The following CNTNAP4 variants were observed in gnomAD, a reference collection of about 807,000 sequenced individuals.
CNTNAP4 encodes contactin-associated protein-like 4.
Under a neutral mutation model 148.4 loss-of-function variants are expected in CNTNAP4, and 98 were observed. That is an observed-to-expected ratio of 0.66 (90% confidence interval 0.56 to 0.78). The LOEUF is 0.78. Among genes scored for constraint, CNTNAP4 ranks in the 30% least tolerant of loss-of-function variants. The pLI is 0.00. For missense variants in CNTNAP4, 1,935 were observed against 1,565.6 expected (o/e 1.24, Z -3.98); for synonymous variants, 730 against 565.1 (o/e 1.29, Z -4.14).
At position 76,337,140 on chromosome 16, in the gene CNTNAP4, C is replaced by A. The variant is rs144740470; in HGVS notation, c.197-18178C>A. Among the ~76,000 whole-genome samples the A allele has an allele frequency of 9.9e-5, 15 of 152,192 alleles. No individual in the cohort carries two copies. In the East Asian group the frequency reaches 2.9e-3, roughly 29 times the overall value. On this transcript the variant is annotated intron_variant, in intron 2 of 23. Coordinates refer to ENST00000611870, the MANE Select transcript of CNTNAP4 (RefSeq NM_033401.5). Reference sequence around the variant, plus strand: ...GTACACTTTAAATGTTGGATGGATTCTTTTTATTTATCTAAAGTTGGTGAT... The same window carrying A: ...GTACACTTTAAATGTTGGATGGATTATTTTTATTTATCTAAAGTTGGTGAT...
At chr16:76,434,669 C>A (rs2145099203) in intron 4 of CNTNAP4, among the ~76,000 whole-genome samples, 1 of 152,284 alleles carries the variant, frequency 6.6e-6, no homozygotes, top group South Asian at 2.1e-4. Context: ...TATTGTTTTT[C>A]ATTTACTATT....
At chr16:76,461,232 C>T (rs569179676) in intron 8 of CNTNAP4, among the ~76,000 whole-genome samples, 1 of 152,230 alleles carries the variant, frequency 6.6e-6, no homozygotes, top group East Asian at 1.9e-4. Flanking sequence ...ACATTATTTA[C>T]AGTATGAGAG....
intron 17 of CNTNAP4, among the ~76,000 whole-genome samples, chr16:76,531,751 G>A (rs540292384): frequency 6.6e-6 from 1 of 152,114 alleles, no homozygotes; most frequent in Non-Finnish European, 1.5e-5. Flanking sequence ...TGAAAATAAA[G>A]TTACTGACTT....
intron 1 of CNTNAP4, among the ~76,000 whole-genome samples, chr16:76,278,015 G>A (rs1010658596): frequency 1.3e-5 from 2 of 152,146 alleles, no homozygotes; most frequent in Non-Finnish European, 1.5e-5. Flanking sequence ...GAATGCCCAA[G>A]TTCTAGTAAA....
At chr16:76,466,140 G>A (rs770978575) in intron 9 of CNTNAP4, among the ~76,000 whole-genome samples, 8 of 152,076 alleles carry the variant, frequency 5.3e-5, no homozygotes, top group Non-Finnish European at 1.0e-4. Flanking sequence ...GGGTTCAATT[G>A]TTTTGATTTT....
intron 2 of CNTNAP4, among the ~76,000 whole-genome samples, chr16:76,319,098 A>T (rs1004124251): frequency 6.6e-6 from 1 of 152,136 alleles, no homozygotes; most frequent in Non-Finnish European, 1.5e-5. Flanking sequence ...GATCAAAAAA[A>T]GGCTACCATT....
At chr16:76,528,404 T>G (rs2083833151) in intron 17 of CNTNAP4, among the ~76,000 whole-genome samples, 1 of 152,192 alleles carries the variant, frequency 6.6e-6, no homozygotes, top group African/African-American at 2.4e-5. Flanking sequence ...TAGCTGAGAC[T>G]ACAGGCACAT....
At position 76,452,792 on chromosome 16, in the gene CNTNAP4, C is replaced by T. The variant is rs756520232; in HGVS notation, c.1333+23C>T. On this transcript the variant is annotated intron_variant, in intron 8 of 23. Coordinates refer to ENST00000611870, the MANE Select transcript of CNTNAP4 (RefSeq NM_033401.5). Reference sequence around the variant, plus strand: ...CAGGTAATAAATGTATTCCCTGGGGCAAAGCATATGGATTTGAAAGATTTC... The same window carrying T: ...CAGGTAATAAATGTATTCCCTGGGGTAAAGCATATGGATTTGAAAGATTTC... 4 of 1,514,742 alleles carry T rather than the reference C, an allele frequency of 2.6e-6. No individual in the cohort carries two copies. The South Asian group carries it at 5.4e-5, about 20-fold the overall frequency. The allele number at this position is 1,514,742 out of a possible 1,614,324, so 93.8% of individuals were successfully genotyped here. A position where few individuals can be genotyped will look rare whatever the true frequency, so the allele number is the denominator to read the frequency against.
intron 3 of CNTNAP4, among the ~76,000 whole-genome samples, chr16:76,370,405 G>A (rs2014665150): frequency 6.6e-6 from 1 of 152,130 alleles, no homozygotes; most frequent in East Asian, 1.9e-4. Context: ...ATAGAATTAT[G>A]GAAGCAGTGG....
At chr16:76,412,722 T>A (rs1173440939) in intron 3 of CNTNAP4, among the ~76,000 whole-genome samples, 1 of 151,436 alleles carries the variant, frequency 6.6e-6, no homozygotes, top group Non-Finnish European at 1.5e-5. Context: ...GTATTCTGGA[T>A]ACTAATATAC....
chr16:76,340,407 G>A (rs1002995372), intron 2 of CNTNAP4, among the ~76,000 whole-genome samples: 2 of 152,064 alleles, frequency 1.3e-5, no homozygotes, highest in Admixed American at 6.6e-5. Context: ...CAGGTTTCCT[G>A]TTGCTTCAAT....
At chr16:76,524,115 A>G (rs1351480512) in intron 17 of CNTNAP4, among the ~76,000 whole-genome samples, 4 of 152,160 alleles carry the variant, frequency 2.6e-5, no homozygotes, top group Non-Finnish European at 5.9e-5. Flanking sequence ...TTTCCAATAT[A>G]TTTGTGTAAT....
chr16:76,458,127 C>A (rs1324302721), intron 8 of CNTNAP4, among the ~76,000 whole-genome samples: 1 of 152,098 alleles, frequency 6.6e-6, no homozygotes, highest in Non-Finnish European at 1.5e-5. Flanking sequence ...CAATGTTATT[C>A]CATTCTTTTT....
At chr16:76,377,280 C>G (rs1263776877) in intron 3 of CNTNAP4, among the ~76,000 whole-genome samples, 2 of 152,022 alleles carry the variant, frequency 1.3e-5, no homozygotes, top group East Asian at 3.9e-4. Flanking sequence ...AAAGAAACAT[C>G]TAGAATAATG....
rs565776208 is a variant in CNTNAP4 at position 76,530,253 on chromosome 16, T to C, written c.2756-5292T>C. On this transcript the variant is annotated intron_variant, in intron 17 of 23. Coordinates refer to ENST00000611870, the MANE Select transcript of CNTNAP4 (RefSeq NM_033401.5). Reference sequence around the variant, plus strand: ...TTTTTTATATGCTAAAATGTAGTTATGGGAAGAGAATATCAAGCAGCCTTA... The same window carrying C: ...TTTTTTATATGCTAAAATGTAGTTACGGGAAGAGAATATCAAGCAGCCTTA... Among the ~76,000 whole-genome samples the C allele has an allele frequency of 6.4e-4, 97 of 152,242 alleles. No individual in the cohort carries two copies. In the South Asian group the frequency reaches 9.1e-3, roughly 14 times the overall value.
At chr16:76,287,254 C>T (rs576453417) in intron 1 of CNTNAP4, among the ~76,000 whole-genome samples, 1 of 152,174 alleles carries the variant, frequency 6.6e-6, no homozygotes, top group South Asian at 2.1e-4. Context: ...CATGATAAAA[C>T]AAAACATTTC....
chr16:76,355,927 T>C (rs1419625732), intron 3 of CNTNAP4, among the ~76,000 whole-genome samples: 2 of 151,870 alleles, frequency 1.3e-5, no homozygotes, highest in Non-Finnish European at 2.9e-5. Flanking sequence ...CCAGGCTGGT[T>C]GCAGTGGCGC....
At chr16:76,492,986 C>G (rs961318) in intron 13 of CNTNAP4, among the ~76,000 whole-genome samples, 24,143 of 150,582 alleles carry the variant, frequency 0.16, 2,499 homozygotes, top group Admixed American at 0.3. Flanking sequence ...GTCTTTCAGG[C>G]TCAATAACCA....
intron 3 of CNTNAP4, among the ~76,000 whole-genome samples, chr16:76,409,475 G>A (rs756735151): frequency 2.1e-4 from 32 of 151,866 alleles, no homozygotes; most frequent in African/African-American, 6.0e-4. Context: ...TCTAAACTGC[G>A]TTGAAATAGA....
Sources: gnomAD v4.1 joint callset for allele counts (sites outside exome capture counted in the v4.1 genomes callset) on GRCh38, gnomAD v4.1.1 for gene constraint, MANE v1.5 for transcripts, NCBI Gene and HGNC (gene_info 2026-07-23, HGNC 2026-07-21) for gene names.